The following DHRSX variants were observed in gnomAD, a reference collection of about 807,000 sequenced individuals.
DHRSX encodes the protein dehydrogenase/reductase X-linked.
DHRSX carries 31 observed loss-of-function variants against 34.0 expected under a neutral mutation model. The observed-to-expected ratio is 0.91, with a 90% CI of 0.69 to 1.23. The LOEUF (loss-of-function observed/expected upper bound fraction) is 1.23, where lower values mean the gene tolerates loss of function less well. DHRSX is among the 50% of genes most tolerant of loss of function. The pLI is 0.00. For synonymous variants in DHRSX, 201 were observed against 183.8 expected (o/e 1.09, Z -0.76); for missense variants, 414 against 428.1 (o/e 0.97, Z 0.29).
chrX:2,327,135 TCAA>T (rs2042396761), intron 3 of DHRSX, among the ~76,000 whole-genome samples: 1 of 152,156 alleles, frequency 6.6e-6, no homozygotes, highest in Admixed American at 6.5e-5. Context: ...CTATTAGCTT[TCAA>T]CAACACTTTT....
At chrX:2,257,047 C>T (rs2041289284) in intron 5 of DHRSX, among the ~76,000 whole-genome samples, 1 of 152,050 alleles carries the variant, frequency 6.6e-6, no homozygotes, top group Non-Finnish European at 1.5e-5. Flanking sequence ...CCTTTCGAGT[C>T]CCAGTTGAAG....
intron 3 of DHRSX, among the ~76,000 whole-genome samples, chrX:2,373,687 C>G (rs190598993): frequency 6.6e-6 from 1 of 152,288 alleles, no homozygotes; most frequent in Non-Finnish European, 1.5e-5. Context: ...CAGGGCTGAG[C>G]TGCCAACGTG....
At chrX:2,403,810 C>T (rs2043518675) in intron 3 of DHRSX, among the ~76,000 whole-genome samples, 2 of 144,770 alleles carry the variant, frequency 1.4e-5, no homozygotes, top group East Asian at 2.0e-4. Flanking sequence ...GAGCCGAGAT[C>T]ACACCACTGC....
chrX:2,422,228 G>A lies in DHRSX; in HGVS notation c.217+2969C>T, dbSNP rs187458954. Among the ~76,000 whole-genome samples, 205 of 152,266 alleles carry A rather than the reference G, an allele frequency of 1.3e-3. 1 individual carries two copies. Among genetic ancestry groups the A allele is most frequent in the African/African-American group, 4.6e-3 (191 of 41,556 alleles). ...AAGGGAAAGAAGGACAGAGAATGGC[G>A]GAGAGGAAGAAGTCAATCAATAATG... is the stretch of plus-strand genomic sequence containing the variant. On this transcript the variant is annotated intron_variant, in intron 2 of 6. Transcript: ENST00000334651.
chrX:2,381,797 C>CAAAAAAAAAAAAAAAAAAAAA (rs767319246), intron 3 of DHRSX, among the ~76,000 whole-genome samples: 2 of 81,614 alleles, frequency 2.5e-5, no homozygotes, highest in Non-Finnish European at 4.3e-5. Context: ...AAGCCACAAC[C>CAAAAAAAAAAAAAAAAAAAAA]AAAAAAAAAA....
At chrX:2,497,221 C>T (rs1168376593) in intron 1 of DHRSX, among the ~76,000 whole-genome samples, 1 of 152,022 alleles carries the variant, frequency 6.6e-6, no homozygotes, top group African/African-American at 2.4e-5. Context: ...ATGGAGAAAC[C>T]CCATCTCACT....
chrX:2,457,050 T>C (rs1203687009), intron 1 of DHRSX, among the ~76,000 whole-genome samples: 8 of 152,068 alleles, frequency 5.3e-5, no homozygotes, highest in Admixed American at 5.3e-4. Flanking sequence ...GTGCCTGGGA[T>C]GGGTGGTGAC....
chrX:2,396,365 C>CTT (rs2043408911), intron 3 of DHRSX, among the ~76,000 whole-genome samples: 1 of 120,178 alleles, frequency 8.3e-6, no homozygotes, highest in Non-Finnish European at 1.8e-5. Flanking sequence ...TTGATGCTTT[C>CTT]TTTCTTTTTC....
Position 2,425,208 on chromosome X carries a change from T to C in DHRSX, c.206A>G (p.His69Arg), listed in dbSNP as rs749855022. ...TAKHLARLGM[H>R]VIIAGNNDSK... ...GTAAAAGTCATCACCTATGATAACATGCATGCCAAGTCTCGCCAGATGCTT... is the reference window on the plus strand; with the variant it reads ...GTAAAAGTCATCACCTATGATAACACGCATGCCAAGTCTCGCCAGATGCTT... The change falls in exon 2 of 7, where the codon CAT becomes CGT. Residue 69 changes from histidine (H) to arginine (R), a missense_variant. His to Arg is a conservative substitution (Grantham distance 29, BLOSUM62 0). Transcript: ENST00000334651. 1.1e-4 allele frequency: 185 copies of C among 1,612,476 alleles called. 2 individuals carry two copies. The South Asian group carries it at 2.0e-3, about 17-fold the overall frequency.
intron 1 of DHRSX, among the ~76,000 whole-genome samples, chrX:2,493,363 A>C (rs1275054116): frequency 1.3e-5 from 2 of 152,066 alleles, no homozygotes; most frequent in African/African-American, 4.8e-5. Context: ...AGGTTTTGGT[A>C]ATTGGGAGGA....
At chrX:2,235,796 T>C (rs1368759783) in intron 6 of DHRSX, among the ~76,000 whole-genome samples, 2 of 147,332 alleles carry the variant, frequency 1.4e-5, no homozygotes, top group Non-Finnish European at 3.0e-5. Flanking sequence ...TCTTTAAATT[T>C]ATAATAAATA....
chrX:2,232,849 G>A (rs373710687), intron 6 of DHRSX, among the ~76,000 whole-genome samples: 10 of 152,158 alleles, frequency 6.6e-5, no homozygotes, highest in African/African-American at 1.2e-4. Flanking sequence ...TGAGATTACA[G>A]GCATGAGCCA....
chrX:2,301,304 C>A (rs1222749241), intron 3 of DHRSX, among the ~76,000 whole-genome samples: 2 of 152,144 alleles, frequency 1.3e-5, no homozygotes, highest in Non-Finnish European at 2.9e-5. Flanking sequence ...ATCCCAGCTA[C>A]TTGGGAGACT....
chrX:2,435,203 G>C (rs2043977575), intron 1 of DHRSX, among the ~76,000 whole-genome samples: 1 of 152,174 alleles, frequency 6.6e-6, no homozygotes, highest in Non-Finnish European at 1.5e-5. Context: ...GAAATGCTCT[G>C]TGTGTTGCGG....
intron 1 of DHRSX, among the ~76,000 whole-genome samples, chrX:2,493,486 T>G (rs2045209585): frequency 6.6e-6 from 1 of 151,478 alleles, no homozygotes; most frequent in Non-Finnish European, 1.5e-5. Flanking sequence ...TTATTATTAT[T>G]ATGTGGCTGA....
chrX:2,420,607 GT>G (rs2043767171), intron 2 of DHRSX, among the ~76,000 whole-genome samples: 1 of 148,148 alleles, frequency 6.8e-6, no homozygotes, highest in Non-Finnish European at 1.5e-5. Context: ...GCTGGGTGTG[GT>G]GGTGTGCTCC....
chrX:2,245,315 C>T lies in DHRSX; in HGVS notation c.597-2085G>A, dbSNP rs189761892. 1.2e-4 allele frequency among the ~76,000 whole-genome samples: 19 copies of T among 152,022 alleles called. No homozygotes were observed. The East Asian group carries it at 3.7e-3, about 30-fold the overall frequency. On this transcript the variant is annotated intron_variant, in intron 5 of 6. Transcript: ENST00000334651. Reference sequence around the variant, plus strand: ...TCCCTGCTTTTCAAGGACTATACTTCTTATTTTTTTGAGACAGAGTTTTGC... The same window carrying T: ...TCCCTGCTTTTCAAGGACTATACTTTTTATTTTTTTGAGACAGAGTTTTGC...
At chrX:2,262,690 G>A (rs184892564) in intron 5 of DHRSX, among the ~76,000 whole-genome samples, 3,618 of 152,208 alleles carry the variant, frequency 0.024, 134 homozygotes, top group African/African-American at 0.082. Context: ...CCTCTCACCC[G>A]CCCTTCCCTG....
At chrX:2,496,195 TTTTTG>T (rs2124133915) in intron 1 of DHRSX, among the ~76,000 whole-genome samples, 1 of 152,176 alleles carries the variant, frequency 6.6e-6, no homozygotes, top group South Asian at 2.1e-4. Context: ...TGTTTTTGTT[TTTTTG>T]TTTTTTTGGT....
Sources: allele counts gnomAD v4.1 joint callset (sites outside exome capture counted in the v4.1 genomes callset), GRCh38; gene constraint gnomAD v4.1.1; transcripts MANE v1.5; gene names NCBI Gene and HGNC (gene_info 2026-07-23, HGNC 2026-07-21).